Variants in RBFOX1 observed in about 807,000 individuals in gnomAD.
RBFOX1 encodes the protein RNA binding protein fox-1 homolog 1.
In RBFOX1, 8 loss-of-function variants were observed where a neutral mutation model predicts 57.7. The ratio of observed to expected loss-of-function variants is 0.14; its 90% CI spans 0.08 to 0.25. The LOEUF (loss-of-function observed/expected upper bound fraction) is 0.25, where lower values mean the gene tolerates loss of function less well. RBFOX1 is among the 10% of genes least tolerant of loss of function. The probability of loss-of-function intolerance (pLI) is 1.00; values close to 1 mark genes in which losing one functional copy is unlikely to be tolerated. For missense variants in RBFOX1, 611 were observed against 548.5 expected, an observed-to-expected ratio of 1.11 and a Z score of -1.14; for synonymous variants, 326 against 222.4, an observed-to-expected ratio of 1.47 and a Z score of -4.15.
chr16:6,866,700 C>A lies in RBFOX1; in HGVS notation c.-15-185357C>A, dbSNP rs186469783. On this transcript the variant is annotated intron_variant, in intron 3 of 15. Coordinates refer to ENST00000550418, the MANE Select transcript of RBFOX1 (RefSeq NM_018723.4). ...GGGACTACAGGCGCCTGCCACCACG[C>A]CTGGCTGATTTTTTTGTATTTTTAG... is the stretch of plus-strand genomic sequence containing the variant. Among the ~76,000 whole-genome samples, 1,166 of 151,896 alleles carry A rather than the reference C, an allele frequency of 7.7e-3. 9 individuals carry two copies. Among genetic ancestry groups the A allele is most frequent in the Non-Finnish European group, 0.013 (852 of 67,938 alleles).
chr16:6,916,465 C>T (rs919583499), intron 3 of RBFOX1, among the ~76,000 whole-genome samples: 1 of 151,614 alleles, frequency 6.6e-6, no homozygotes, highest in African/African-American at 2.4e-5. Flanking sequence ...CTTTGGTTAA[C>T]GAAATAAATA....
intron 3 of RBFOX1, among the ~76,000 whole-genome samples, chr16:5,756,375 G>C (rs1314485156): frequency 6.6e-6 from 1 of 152,074 alleles, no homozygotes; most frequent in African/African-American, 2.4e-5. Context: ...AAAAGCTACA[G>C]ACATGGCAGT....
chr16:6,815,679 C>G (rs531641174), intron 3 of RBFOX1, among the ~76,000 whole-genome samples: 1 of 152,210 alleles, frequency 6.6e-6, no homozygotes, highest in South Asian at 2.1e-4. Context: ...AGGATTCAAA[C>G]CTAGACTTGT....
At chr16:6,583,376 A>G (rs1474200190) in intron 2 of RBFOX1, among the ~76,000 whole-genome samples, 1 of 152,224 alleles carries the variant, frequency 6.6e-6, no homozygotes, top group African/African-American at 2.4e-5. Context: ...ATGCCAAACA[A>G]GAGGAATGAT....
Position 6,806,972 on chromosome 16 carries a change from T to G in RBFOX1, c.-16+152322T>G, listed in dbSNP as rs1485741218. Among the ~76,000 whole-genome samples, 7 of 151,048 alleles carry G rather than the reference T, an allele frequency of 4.6e-5. No individual in the cohort carries two copies. In the South Asian group the frequency reaches 8.5e-4, roughly 18 times the overall value. On this transcript the variant is annotated intron_variant, in intron 3 of 15. Coordinates refer to ENST00000550418, the MANE Select transcript of RBFOX1 (RefSeq NM_018723.4). ...CCTCAGCCTCCTAAGTAGCTGAGAT[T>G]GCAGGCACGTCTCACCACGTCCAGC...
chr16:7,157,138 G>A (rs1304638915), intron 4 of RBFOX1, among the ~76,000 whole-genome samples: 1 of 152,138 alleles, frequency 6.6e-6, no homozygotes, highest in Non-Finnish European at 1.5e-5. Context: ...TATTCTCATT[G>A]GCACAGGATA....
chr16:7,114,145 G>T (rs748469591), intron 4 of RBFOX1, among the ~76,000 whole-genome samples: 14 of 152,180 alleles, frequency 9.2e-5, no homozygotes, highest in Non-Finnish European at 1.8e-4. Context: ...TTAACTTTCA[G>T]TTGTACTTAA....
At chr16:7,209,170 AATAATAAT>A (rs2090612703) in intron 4 of RBFOX1, among the ~76,000 whole-genome samples, 1 of 146,548 alleles carries the variant, frequency 6.8e-6, no homozygotes, top group African/African-American at 2.6e-5. Context: ...TAATAATAAT[AATAATAAT>A]AATAATAATT....
intron 4 of RBFOX1, among the ~76,000 whole-genome samples, chr16:7,151,413 G>T (rs1213877565): frequency 6.6e-6 from 1 of 152,096 alleles, no homozygotes; most frequent in East Asian, 1.9e-4. Context: ...GGGTAAAGGG[G>T]TTAAACTAAT....
At chr16:5,601,684 A>G (rs151266412), downstream of RBFOX1, 1 of 152,244 alleles carries the variant, frequency 6.6e-6, no homozygotes, top group Non-Finnish European at 1.5e-5. Context: ...GAAAACAAAG[A>G]TACTAAACAC....
chr16:6,352,497 A>T (rs890576778), intron 2 of RBFOX1, among the ~76,000 whole-genome samples: 5 of 152,160 alleles, frequency 3.3e-5, no homozygotes, highest in African/African-American at 1.2e-4. Flanking sequence ...AAATTTTCTA[A>T]ACACTAGTTT....
At chr16:7,623,491 A>T (rs1012696606) in intron 10 of RBFOX1, among the ~76,000 whole-genome samples, 5 of 152,162 alleles carry the variant, frequency 3.3e-5, no homozygotes, top group African/African-American at 7.2e-5. Flanking sequence ...TCCCTAGCTC[A>T]GTTCACAATA....
chr16:6,034,353 A>AAAAAAG (rs2095334871), intron 1 of RBFOX1, among the ~76,000 whole-genome samples: 1 of 145,826 alleles, frequency 6.9e-6, no homozygotes, highest in African/African-American at 2.5e-5. Flanking sequence ...AAAAAAAAAA[A>AAAAAAG]AAAAGAAAAG....
chr16:7,419,443 G>A (rs767129691), intron 4 of RBFOX1, among the ~76,000 whole-genome samples: 3 of 152,198 alleles, frequency 2.0e-5, no homozygotes, highest in Non-Finnish European at 2.9e-5. Context: ...CCGCCTTGGC[G>A]CAATGCAACC....
At chr16:5,269,059 C>T (rs997523735) in intron 1 of RBFOX1, among the ~76,000 whole-genome samples, 12 of 152,316 alleles carry the variant, frequency 7.9e-5, no homozygotes, top group Admixed American at 7.2e-4. Flanking sequence ...GGATTATAGG[C>T]ACCTGCCACC....
At chr16:7,605,713 C>T (rs1037423217) in intron 9 of RBFOX1, among the ~76,000 whole-genome samples, 5 of 152,178 alleles carry the variant, frequency 3.3e-5, no homozygotes, top group Admixed American at 1.3e-4. Flanking sequence ...AAAATACCTT[C>T]CTTCACATTC....
chr16:5,934,057 C>T (rs951761163), intron 4 of RBFOX1, among the ~76,000 whole-genome samples: 1 of 152,180 alleles, frequency 6.6e-6, no homozygotes, highest in African/African-American at 2.4e-5. Flanking sequence ...GTTTCTGCTC[C>T]TGCATTAGTT....
intron 3 of RBFOX1, among the ~76,000 whole-genome samples, chr16:5,716,856 A>G (rs1008580054): frequency 6.6e-6 from 1 of 152,208 alleles, no homozygotes; most frequent in Admixed American, 6.5e-5. Context: ...TTTGGATGCA[A>G]ACCCAGGACT....
chr16:7,678,385 A>G (rs566792851), intron 14 of RBFOX1, among the ~76,000 whole-genome samples: 1 of 152,306 alleles, frequency 6.6e-6, no homozygotes, highest in African/African-American at 2.4e-5. Context: ...TCTACAAAGG[A>G]AAAGGCCTAA....
Sources: allele counts gnomAD v4.1 joint callset (sites outside exome capture counted in the v4.1 genomes callset), GRCh38; gene constraint gnomAD v4.1.1; transcripts MANE v1.5; gene names NCBI Gene and HGNC (gene_info 2026-07-23, HGNC 2026-07-21).